Variants in ZMAT4 observed in about 807,000 individuals in gnomAD.
ZMAT4 encodes the protein zinc finger matrin-type protein 4.
In ZMAT4, 17 loss-of-function variants were observed where a neutral mutation model predicts 28.7. That is an observed-to-expected ratio of 0.59 (90% confidence interval 0.41 to 0.89). The LOEUF is 0.89. ZMAT4 is among the 40% of genes least tolerant of loss of function. The pLI, the probability that ZMAT4 is intolerant of heterozygous loss-of-function variation, is 0.00. For synonymous variants in ZMAT4, 117 were observed against 109.2 expected (o/e 1.07, Z -0.44); for missense variants, 240 against 283.8 (o/e 0.85, Z 1.11).
At chr8:40,693,263 T>A (rs1809732662) in intron 4 of ZMAT4, among the ~76,000 whole-genome samples, 1 of 152,134 alleles carries the variant, frequency 6.6e-6, no homozygotes, top group African/African-American at 2.4e-5. Context: ...ACTATAGGCA[T>A]GTGCCATCAT....
intron 5 of ZMAT4, among the ~76,000 whole-genome samples, chr8:40,669,617 C>T (rs1808587196): frequency 6.6e-6 from 1 of 152,048 alleles, no homozygotes; most frequent in South Asian, 2.1e-4. Context: ...TTCTTAATAA[C>T]ATTTTATTTA....
intron 3 of ZMAT4, among the ~76,000 whole-genome samples, chr8:40,745,746 AT>A (rs1205401211): frequency 1.3e-5 from 2 of 152,178 alleles, no homozygotes; most frequent in East Asian, 3.9e-4. Flanking sequence ...TCCTACGCCT[AT>A]CTCTAAGATC....
chr8:40,862,606 T>G (rs561078372), intron 1 of ZMAT4, among the ~76,000 whole-genome samples: 2,853 of 110,630 alleles, frequency 0.026, 53 homozygotes, highest in South Asian at 0.06. Flanking sequence ...AAAAAGAAAA[T>G]TTGGCACATA....
rs1200952004 is a variant in ZMAT4 at position 40,645,422 on chromosome 8, T to C, written c.577+29282A>G. On this transcript the variant is annotated intron_variant, in intron 5 of 6. Transcript: ENST00000297737. ...ATATTGTGTTTAAGGAAGTTTTGTT[T>C]GATGGATTAGAGAGAAGAATATATA... Among the ~76,000 whole-genome samples, 24 of 152,282 alleles carry C rather than the reference T, an allele frequency of 1.6e-4. 1 individual carries two copies. Among genetic ancestry groups the C allele is most frequent in the Admixed American group, 6.5e-5 (1 of 15,296 alleles).
chr8:40,676,099 C>A (rs1018228513), intron 4 of ZMAT4, among the ~76,000 whole-genome samples: 2 of 152,118 alleles, frequency 1.3e-5, no homozygotes. Flanking sequence ...TATGACTTGG[C>A]CTTTTATCCC....
intron 4 of ZMAT4, among the ~76,000 whole-genome samples, chr8:40,695,211 C>A (rs896143940): frequency 8.5e-5 from 13 of 152,180 alleles, no homozygotes; most frequent in African/African-American, 2.9e-4. Context: ...TCCTATTGAC[C>A]AAACTGCCTC....
rs865919192 is a variant in ZMAT4 at position 40,784,911 on chromosome 8, T to A, written c.103-17181A>T. Among the ~76,000 whole-genome samples the A allele has an allele frequency of 1.6e-4, 25 of 152,352 alleles. No homozygotes were observed. In the South Asian group the frequency reaches 5.0e-3, roughly 30 times the overall value. ...GAGTTGAAAAACATATTATGAACTTTTAACATTCTGCATTCTCAGGTTAAA... is the reference window on the plus strand; with the variant it reads ...GAGTTGAAAAACATATTATGAACTTATAACATTCTGCATTCTCAGGTTAAA... On this transcript the variant is annotated intron_variant, in intron 2 of 6. Coordinates refer to ENST00000297737, the MANE Select transcript of ZMAT4 (RefSeq NM_024645.3).
intron 1 of ZMAT4, among the ~76,000 whole-genome samples, chr8:40,844,350 C>G (rs1272786588): frequency 6.6e-6 from 1 of 152,084 alleles, no homozygotes; most frequent in African/African-American, 2.4e-5. Context: ...GGGCATCACC[C>G]AATTGTTGAG....
At chr8:40,871,870 T>G (rs186592245) in intron 1 of ZMAT4, among the ~76,000 whole-genome samples, 5 of 152,246 alleles carry the variant, frequency 3.3e-5, no homozygotes, top group Non-Finnish European at 7.3e-5. Flanking sequence ...AACTACCTCC[T>G]GATGAGTTAA....
intron 4 of ZMAT4, among the ~76,000 whole-genome samples, chr8:40,692,698 C>T (rs1472407341): frequency 6.6e-6 from 1 of 152,136 alleles, no homozygotes; most frequent in Non-Finnish European, 1.5e-5. Context: ...TCCAATTATG[C>T]ATAATCTTAA....
At position 40,649,498 on chromosome 8, in the gene ZMAT4, C is replaced by T. The variant is rs1807527447; in HGVS notation, c.577+25206G>A. 1.3e-5 allele frequency among the ~76,000 whole-genome samples: 2 copies of T among 152,146 alleles called. 1 individual carries two copies. The highest frequency in any genetic ancestry group is 4.1e-4 in the South Asian group (2 of 4,822). ...ATGGGAGACTTTAACACCCCACTGT[C>T]AACATTAGACAGATCAACGAGACAG... On this transcript the variant is annotated intron_variant, in intron 5 of 6. Transcript: ENST00000297737.
At chr8:40,759,901 G>C (rs1812855827) in intron 3 of ZMAT4, among the ~76,000 whole-genome samples, 1 of 152,132 alleles carries the variant, frequency 6.6e-6, no homozygotes, top group South Asian at 2.1e-4. Flanking sequence ...GACAAGGCCA[G>C]ACACAAACTC....
chr8:40,697,242 T>A lies in ZMAT4; in HGVS notation c.349+3A>T. ...TCCCCACGATCACTGTTCCTGCACG[T>A]ACCTGTGGTCTTTAATGGGGTCTTC... On this transcript the variant is annotated splice_donor_region_variant and intron_variant, in intron 4 of 6. Transcript: ENST00000297737. The A allele has an allele frequency of 6.2e-7, 1 of 1,605,752 alleles. No homozygotes were observed. Among genetic ancestry groups the A allele is most frequent in the South Asian group, 1.1e-5 (1 of 89,424 alleles).
At chr8:40,746,372 T>C (rs1194265032) in intron 3 of ZMAT4, among the ~76,000 whole-genome samples, 1 of 145,884 alleles carries the variant, frequency 6.9e-6, no homozygotes, top group Non-Finnish European at 1.5e-5. Context: ...TTCCTTTCTT[T>C]CTCTTTTTTT....
chr8:40,635,907 G>A (rs1381173320), intron 5 of ZMAT4, among the ~76,000 whole-genome samples: 1 of 152,168 alleles, frequency 6.6e-6, no homozygotes. Context: ...AATAAAAGTT[G>A]GAGAGAGGAA....
intron 3 of ZMAT4, among the ~76,000 whole-genome samples, chr8:40,740,834 T>C (rs1028529032): frequency 6.6e-6 from 1 of 152,160 alleles, no homozygotes. Context: ...CAGAAATGTG[T>C]GAACTGATTT....
chr8:40,756,329 C>T (rs1004136116), intron 3 of ZMAT4, among the ~76,000 whole-genome samples: 1 of 150,172 alleles, frequency 6.7e-6, no homozygotes, highest in African/African-American at 2.5e-5. Flanking sequence ...GCAGTGTAGA[C>T]GAATACAGCT....
intron 2 of ZMAT4, among the ~76,000 whole-genome samples, chr8:40,819,576 A>G (rs1412380571): frequency 6.6e-6 from 1 of 151,906 alleles, no homozygotes; most frequent in Non-Finnish European, 1.5e-5. Context: ...GCACAAAAAC[A>G]CTCAGCACAT....
chr8:40,634,688 A>G (rs573769487), intron 5 of ZMAT4, among the ~76,000 whole-genome samples: 1 of 152,280 alleles, frequency 6.6e-6, no homozygotes, highest in South Asian at 2.1e-4. Context: ...TTGAGGAATC[A>G]TTTACCATGG....
Sources: allele counts gnomAD v4.1 joint callset (sites outside exome capture counted in the v4.1 genomes callset), GRCh38; gene constraint gnomAD v4.1.1; transcripts MANE v1.5; gene names NCBI Gene and HGNC (gene_info 2026-07-23, HGNC 2026-07-21).